The following PTPRM variants were observed in gnomAD, a reference collection of about 807,000 sequenced individuals.
PTPRM encodes the protein receptor-type tyrosine-protein phosphatase mu.
A neutral mutation model predicts 186.7 loss-of-function variants in PTPRM; 47 were observed. The observed-to-expected ratio is 0.25, with a 90% CI of 0.20 to 0.32. The LOEUF (loss-of-function observed/expected upper bound fraction) is 0.32. PTPRM is among the 10% of genes least tolerant of loss of function. The pLI is 1.00. For synonymous variants in PTPRM, 668 were observed against 674.9 expected, an observed-to-expected ratio of 0.99 and a Z score of 0.16; for missense variants, 1,494 against 1,865.0, an observed-to-expected ratio of 0.80 and a Z score of 3.66.
chr18:8,323,077 C>T (rs2095355427), intron 22 of PTPRM, among the ~76,000 whole-genome samples: 1 of 152,146 alleles, frequency 6.6e-6, no homozygotes, highest in Non-Finnish European at 1.5e-5. Flanking sequence ...GAGCCTCCCA[C>T]CGTGGCCTCC....
chr18:8,085,804 C>G lies in PTPRM; in HGVS notation c.1685C>G (p.Thr562Ser). 1 of 1,613,522 alleles carries G rather than the reference C, an allele frequency of 6.2e-7. No individual in the cohort carries two copies. Residue 562 changes from threonine to serine, a missense_variant, in exon 10 of 33, where the codon ACC (threonine) becomes AGC (serine). Around this residue, in one of 3 missense-constraint regions of PTPRM, gnomAD observed 1,107 missense variants for 1,350.2 expected, o/e 0.82. Transcript: ENST00000580170. The part of the protein sequence containing the change: ...GLYPGTTYSF[T>S]IRASTAKGFG... Reference sequence around the variant, plus strand: ...TATCCGGGGACCACATACTCCTTTACCATCCGAGCTAGCACAGCTAAGGGT... The same window carrying G: ...TATCCGGGGACCACATACTCCTTTAGCATCCGAGCTAGCACAGCTAAGGGT...
intron 7 of PTPRM, among the ~76,000 whole-genome samples, chr18:8,047,789 C>T (rs2148230308): frequency 6.6e-6 from 1 of 152,224 alleles, no homozygotes; most frequent in East Asian, 1.9e-4. Flanking sequence ...GCAACCCACA[C>T]TCTCCTCATG....
rs2091851405 is a variant in PTPRM at position 8,113,779 on chromosome 18, GT to G, written c.2130+23del. The G allele has an allele frequency of 6.3e-7, 1 of 1,592,966 alleles. No individual in the cohort carries two copies. The highest frequency in any genetic ancestry group is 8.6e-7 in the Non-Finnish European group (1 of 1,166,930). Reference sequence around the variant, plus strand: ...AATGGGGTAAGTTGTACAGATAACTGTTTACTTAGGCTATTTGGGGTTGTTA... The same window carrying G: ...AATGGGGTAAGTTGTACAGATAACTGTTACTTAGGCTATTTGGGGTTGTTA... On this transcript the variant is annotated intron_variant, in intron 12 of 32. Transcript: ENST00000580170.
At chr18:7,600,653 G>A (rs1482026129) in intron 1 of PTPRM, among the ~76,000 whole-genome samples, 1 of 152,152 alleles carries the variant, frequency 6.6e-6, no homozygotes, top group Admixed American at 6.5e-5. Context: ...TGCTCATTCA[G>A]CAGTCTCTCC....
Position 7,911,846 on chromosome 18 carries a change from A to ATTTTTTTTTTTTT in PTPRM, c.547+5275_547+5287dup, listed in dbSNP as rs57590269. 6.1e-4 allele frequency among the ~76,000 whole-genome samples: 49 copies of ATTTTTTTTTTTTT among 80,674 alleles called. 2 individuals carry two copies. The East Asian group carries it at 6.5e-3, about 11-fold the overall frequency. 52.9% of individuals were successfully genotyped at this position (80,674 alleles called of 152,430 possible). A position where few individuals can be genotyped will look rare whatever the true frequency, so the allele number is the denominator to read the frequency against. On this transcript the variant is annotated intron_variant, in intron 4 of 32. Transcript: ENST00000580170. ...TTTTTTCCAGAGTTTTATGGTTTCA[A>ATTTTTTTTTTTTT]TTTTTTTTTTTTTTTTTTTTTTTTG...
chr18:7,994,217 G>A (rs2083412080), intron 7 of PTPRM, among the ~76,000 whole-genome samples: 2 of 151,172 alleles, frequency 1.3e-5, no homozygotes, highest in African/African-American at 2.4e-5. Context: ...AAAGAGACAA[G>A]ATCAGTACAT....
chr18:7,965,801 A>G (rs987863025), intron 7 of PTPRM, among the ~76,000 whole-genome samples: 2 of 152,140 alleles, frequency 1.3e-5, no homozygotes, highest in Non-Finnish European at 2.9e-5. Flanking sequence ...CTCTCAGCAC[A>G]TCCAGATGCA....
intron 2 of PTPRM, among the ~76,000 whole-genome samples, chr18:7,838,718 G>T (rs756966742): frequency 6.6e-6 from 1 of 152,218 alleles, no homozygotes; most frequent in Non-Finnish European, 1.5e-5. Flanking sequence ...TCAGCAGATG[G>T]CAAAGCCAGT....
At chr18:7,839,989 A>G (rs1049704146) in intron 2 of PTPRM, among the ~76,000 whole-genome samples, 12 of 150,286 alleles carry the variant, frequency 8.0e-5, no homozygotes, top group Non-Finnish European at 1.8e-4. Context: ...TTAGTGCCTC[A>G]TGGCTGCTGT....
chr18:8,282,271 T>A (rs1336163421), intron 19 of PTPRM, among the ~76,000 whole-genome samples: 2 of 152,096 alleles, frequency 1.3e-5, no homozygotes, highest in Admixed American at 1.3e-4. Context: ...CAATACCAAA[T>A]GTTGGTGAGA....
At chr18:8,160,273 C>A (rs1357464336) in intron 14 of PTPRM, among the ~76,000 whole-genome samples, 1 of 151,898 alleles carries the variant, frequency 6.6e-6, no homozygotes, top group South Asian at 2.1e-4. Flanking sequence ...GAACTTTATT[C>A]TTTTTATGTA....
chr18:7,623,288 T>A (rs2037984436), intron 1 of PTPRM, among the ~76,000 whole-genome samples: 1 of 152,100 alleles, frequency 6.6e-6, no homozygotes, highest in Non-Finnish European at 1.5e-5. Context: ...TGATTATGAG[T>A]CTAATATTGT....
In PTPRM at chr18:7,891,939, G is replaced by C. The variant is rs11874593; in HGVS notation, c.468+3562G>C. On this transcript the variant is annotated intron_variant, in intron 3 of 32. Transcript: ENST00000580170. ...GTTTGGCCAAGCTAGGCCTCCAGAG[G>C]TTTTTGTATGGTGGCCTAGGCTGAG... 8.6e-3 allele frequency among the ~76,000 whole-genome samples: 1,303 copies of C among 152,262 alleles called. 20 individuals are homozygous for C. The highest frequency in any genetic ancestry group is 0.03 in the African/African-American group (1,227 of 41,554).
At chr18:7,757,831 T>C (rs1272505548) in intron 1 of PTPRM, among the ~76,000 whole-genome samples, 3 of 151,860 alleles carry the variant, frequency 2.0e-5, no homozygotes, top group African/African-American at 7.3e-5. Context: ...TGCAGGCGAG[T>C]GGGTATGGGG....
intron 19 of PTPRM, among the ~76,000 whole-genome samples, chr18:8,273,382 C>T (rs572202118): frequency 6.6e-6 from 1 of 152,320 alleles, no homozygotes; most frequent in South Asian, 2.1e-4. Context: ...GAGCCCCTGA[C>T]TGCTGGCTCA....
chr18:7,772,444 C>CCCTTCCTTCCTTCCTT lies in PTPRM; in HGVS notation c.74-1659_74-1644dup, dbSNP rs200187256. ...TCTTTCTCCCTTCCCCTTCCCCTTC[C>CCCTTCCTTCCTTCCTT]CCTTCCTTCCTTCCTTCCTTCCTTC... On this transcript the variant is annotated intron_variant, in intron 1 of 32. Transcript: ENST00000580170. Among the ~76,000 whole-genome samples the CCCTTCCTTCCTTCCTT allele has an allele frequency of 2.0e-3, 184 of 92,378 alleles. 2 individuals carry two copies. The highest frequency in any genetic ancestry group is 7.6e-3 in the African/African-American group (147 of 19,334). The allele number at this position is 92,378 out of a possible 152,430, so 60.6% of individuals were successfully genotyped here. A position where few individuals can be genotyped will look rare whatever the true frequency, so the allele number is the denominator to read the frequency against.
chr18:8,190,217 AATT>A (rs534051618), intron 14 of PTPRM, among the ~76,000 whole-genome samples: 69 of 152,292 alleles, frequency 4.5e-4, no homozygotes, highest in Non-Finnish European at 8.1e-4. Flanking sequence ...AATCTCTTGA[AATT>A]ATTCTTCTTG....
intron 7 of PTPRM, among the ~76,000 whole-genome samples, chr18:8,057,486 G>T (rs1215079326): frequency 8.0e-6 from 1 of 125,582 alleles, no homozygotes; most frequent in African/African-American, 3.3e-5. Flanking sequence ...AAGTTTTAGG[G>T]TACATGTGCA....
chr18:8,161,713 T>C (rs897524238), intron 14 of PTPRM, among the ~76,000 whole-genome samples: 1 of 152,204 alleles, frequency 6.6e-6, no homozygotes, highest in Non-Finnish European at 1.5e-5. Context: ...CTACACATGT[T>C]GTCTTATACC....
Sources: gnomAD v4.1 joint callset for allele counts (sites outside exome capture counted in the v4.1 genomes callset) on GRCh38, gnomAD v4.1.1 for gene constraint, gnomAD v4.1.1 regional missense constraint, MANE v1.5 for transcripts, NCBI Gene and HGNC (gene_info 2026-07-23, HGNC 2026-07-21) for gene names.